NOL4: variants seen among roughly 807,000 people sequenced by gnomAD.
NOL4 encodes the protein cancer/testis antigen 125.
Under a neutral mutation model 75.9 loss-of-function variants are expected in NOL4, and 17 were observed. That is an observed-to-expected ratio of 0.22 (90% CI 0.15 to 0.34). NOL4 has a LOEUF of 0.34. Ranked by LOEUF, NOL4 falls within the 10% of genes least tolerant of loss-of-function variation. NOL4 has a pLI of 1.00. For missense variants in NOL4, 614 were observed against 793.5 expected, an observed-to-expected ratio of 0.77 and a Z score of 2.72; for synonymous variants, 292 against 289.9, an observed-to-expected ratio of 1.01 and a Z score of -0.07.
At chr18:33,985,349 A>G (rs2072344963) in intron 6 of NOL4, among the ~76,000 whole-genome samples, 1 of 152,132 alleles carries the variant, frequency 6.6e-6, no homozygotes, top group Admixed American at 6.6e-5. Context: ...GGGAAATAAA[A>G]CCTTGATAGG....
chr18:33,894,438 A>G (rs1207265320), intron 9 of NOL4, among the ~76,000 whole-genome samples: 1 of 152,106 alleles, frequency 6.6e-6, no homozygotes, highest in Admixed American at 6.6e-5. Context: ...CTGGCCATAC[A>G]AATGATTAAG....
rs561731617 is a variant in NOL4, at chr18:34,116,761, G to A, written c.415-11601C>T. 6.6e-5 allele frequency among the ~76,000 whole-genome samples: 10 copies of A among 152,084 alleles called. No homozygotes were observed. In the South Asian group the frequency reaches 1.5e-3, roughly 22 times the overall value. ...AGACTGTGTATCATAAGTATGTAAC[G>A]TAAGTTTATCTCCTTAACTCAAGCC... is the stretch of plus-strand genomic sequence containing the variant. On this transcript the variant is annotated intron_variant, in intron 2 of 10. Transcript: ENST00000261592.
chr18:34,102,524 A>G (rs900855298), intron 4 of NOL4, among the ~76,000 whole-genome samples: 7 of 152,048 alleles, frequency 4.6e-5, no homozygotes, highest in East Asian at 3.8e-4. Flanking sequence ...CCAATTTAGT[A>G]TTTTCAAAAT....
Position 33,867,025 on chromosome 18 carries a change from GA to G in NOL4, c.1724-13991del, listed in dbSNP as rs1347655017. 1.8e-4 allele frequency among the ~76,000 whole-genome samples: 28 copies of G among 152,180 alleles called. 1 individual carries two copies. In the Middle Eastern group the frequency reaches 0.02, roughly 111 times the overall value. ...ACTGTTAAAGAAAAGAGAATCTTAT[GA>G]TTTGTACTCCCCTACCATTCATAAT... On this transcript the variant is annotated intron_variant, in intron 10 of 10. Coordinates refer to ENST00000261592, the MANE Select transcript of NOL4 (RefSeq NM_003787.5).
intron 9 of NOL4, among the ~76,000 whole-genome samples, chr18:33,919,330 G>A (rs1330100930): frequency 6.6e-6 from 1 of 152,082 alleles, no homozygotes; most frequent in Non-Finnish European, 1.5e-5. Flanking sequence ...CTTGTGAGTG[G>A]AGAGCTCAGG....
At chr18:34,170,378 A>T (rs1455013893) in intron 1 of NOL4, among the ~76,000 whole-genome samples, 1 of 151,508 alleles carries the variant, frequency 6.6e-6, no homozygotes, top group African/African-American at 2.4e-5. Flanking sequence ...TTTAGTAGAG[A>T]GATGGGTTTC....
At chr18:34,125,908 T>C (rs2080363358) in intron 2 of NOL4, among the ~76,000 whole-genome samples, 1 of 151,786 alleles carries the variant, frequency 6.6e-6, no homozygotes, top group South Asian at 2.1e-4. Flanking sequence ...CCTTTCCTCA[T>C]GCTTTCTTAT....
chr18:34,192,431 G>C (rs989534161), intron 1 of NOL4, among the ~76,000 whole-genome samples: 2 of 152,032 alleles, frequency 1.3e-5, no homozygotes, highest in African/African-American at 2.4e-5. Context: ...ACCAAATCTG[G>C]AGTCCTCACA....
At chr18:33,914,862 GA>G (rs1190301528) in intron 9 of NOL4, among the ~76,000 whole-genome samples, 1 of 152,130 alleles carries the variant, frequency 6.6e-6, no homozygotes, top group African/African-American at 2.4e-5. Flanking sequence ...ACATGCTGAG[GA>G]AGTGGTTGGA....
chr18:34,053,687 T>A (rs2076718080), intron 5 of NOL4, among the ~76,000 whole-genome samples: 1 of 151,946 alleles, frequency 6.6e-6, no homozygotes, highest in African/African-American at 2.4e-5. Flanking sequence ...AGGAAACAGA[T>A]AAATGGTAAT....
At chr18:34,188,248 A>G (rs984468012) in intron 1 of NOL4, among the ~76,000 whole-genome samples, 1 of 152,232 alleles carries the variant, frequency 6.6e-6, no homozygotes. Flanking sequence ...TGTAGTAAAA[A>G]AAAATGAAAG....
At position 34,223,353 on chromosome 18, in the gene NOL4, G is replaced by T; in HGVS notation, c.-100C>A. ...GCAGCCCCGGCCACGTTGCAGGGATGCGAGGTCCCGGCCGCAGCGGGAGCC... is the reference window on the plus strand; with the variant it reads ...GCAGCCCCGGCCACGTTGCAGGGATTCGAGGTCCCGGCCGCAGCGGGAGCC... On this transcript the variant is annotated 5_prime_UTR_variant, in exon 1 of 11. Transcript: ENST00000261592. The T allele has an allele frequency of 6.7e-7, 1 of 1,500,158 alleles. No homozygotes were observed. Among genetic ancestry groups the T allele is most frequent in the Non-Finnish European group, 8.9e-7 (1 of 1,120,388 alleles). The allele number at this position is 1,500,158 out of a possible 1,614,324, so 92.9% of individuals were successfully genotyped here. A position where few individuals can be genotyped will look rare whatever the true frequency, so the allele number is the denominator to read the frequency against.
intron 6 of NOL4, among the ~76,000 whole-genome samples, chr18:34,009,390 T>A (rs1265835483): frequency 1.3e-5 from 2 of 151,952 alleles, no homozygotes; most frequent in Non-Finnish European, 2.9e-5. Context: ...CCAATCTCAG[T>A]AAGAATTTTT....
At chr18:33,853,131 G>T (rs1278104533) in intron 10 of NOL4, 96 bp from the exon 11 acceptor site, 1 of 1,023,496 alleles carries the variant, frequency 9.8e-7, no homozygotes. Flanking sequence ...ATGAATTAAT[G>T]AATTCTTCCA....
At chr18:33,922,110 C>T (rs765991377) in intron 9 of NOL4, among the ~76,000 whole-genome samples, 140 of 152,226 alleles carry the variant, frequency 9.2e-4, no homozygotes, top group Admixed American at 2.6e-3. Context: ...AAAAATGGAG[C>T]AGGACCAAGA....
chr18:33,992,015 G>T (rs1037153044), intron 6 of NOL4, among the ~76,000 whole-genome samples: 1 of 148,100 alleles, frequency 6.8e-6, no homozygotes, highest in African/African-American at 2.6e-5. Flanking sequence ...ATAAGCATGT[G>T]CATAGATCTT....
In NOL4 at chr18:33,856,244, A is replaced by C. The variant is rs141994221; in HGVS notation, c.1724-3209T>G. Among the ~76,000 whole-genome samples, 711 of 152,202 alleles carry C rather than the reference A, an allele frequency of 4.7e-3. 1 individual carries two copies. Among genetic ancestry groups the C allele is most frequent in the Non-Finnish European group, 7.4e-3 (503 of 67,986 alleles). ...AGCCAATAATTAAGAAATAGGAAAT[A>C]AGTGATGTTATTAATAGCACTAGTT... On this transcript the variant is annotated intron_variant, in intron 10 of 10. Transcript: ENST00000261592.
intron 9 of NOL4, among the ~76,000 whole-genome samples, chr18:33,908,046 T>C (rs1197458612): frequency 6.8e-6 from 1 of 147,972 alleles, no homozygotes; most frequent in Non-Finnish European, 1.5e-5. Context: ...CAATTTATGT[T>C]AAAATTATGG....
chr18:33,956,183 T>C (rs2069633225), intron 8 of NOL4, among the ~76,000 whole-genome samples: 1 of 152,160 alleles, frequency 6.6e-6, no homozygotes, highest in Non-Finnish European at 1.5e-5. Flanking sequence ...TCAGAGAAAT[T>C]GCTGAATTTG....
Sources: allele counts gnomAD v4.1 joint callset (sites outside exome capture counted in the v4.1 genomes callset), GRCh38; gene constraint gnomAD v4.1.1; transcripts MANE v1.5; gene names NCBI Gene and HGNC (gene_info 2026-07-23, HGNC 2026-07-21).